UHRF2: variants seen among roughly 807,000 people sequenced by gnomAD.
UHRF2 encodes E3 ubiquitin-protein ligase UHRF2.
UHRF2 carries 23 observed loss-of-function variants against 96.8 expected under a neutral mutation model. That is an observed-to-expected ratio of 0.24 (90% confidence interval 0.17 to 0.34). The LOEUF is 0.34. Among genes scored for constraint, UHRF2 ranks in the 10% least tolerant of loss-of-function variants. The probability of loss-of-function intolerance (pLI) is 1.00; values close to 1 mark genes in which losing one functional copy is unlikely to be tolerated. For synonymous variants in UHRF2, 385 were observed against 332.6 expected (o/e 1.16, Z -1.72); for missense variants, 685 against 981.5 (o/e 0.70, Z 4.04).
chr9:6,504,441 GT>G, intron 14 of UHRF2, 151 bp from the exon 15 acceptor site: 1 of 533,816 alleles, frequency 1.9e-6, no homozygotes, highest in Non-Finnish European at 3.3e-6. Context: ...ATAAATCAGG[GT>G]AATTGGAATG....
At chr9:6,434,429 C>T in intron 3 of UHRF2, 2 of 295,580 alleles carry the variant, frequency 6.8e-6, no homozygotes, top group Non-Finnish European at 1.2e-5. Context: ...TTCTGTTTGT[C>T]TTTTTCTCTA....
At chr9:6,447,114 C>T (rs953306007) in intron 3 of UHRF2, among the ~76,000 whole-genome samples, 4 of 152,100 alleles carry the variant, frequency 2.6e-5, no homozygotes, top group Admixed American at 2.0e-4. Flanking sequence ...TGGTCTTGAT[C>T]TCCTGACCTC....
intron 4 of UHRF2, among the ~76,000 whole-genome samples, chr9:6,472,797 A>C (rs1280918178): frequency 6.6e-6 from 1 of 152,204 alleles, no homozygotes; most frequent in African/African-American, 2.4e-5. Context: ...ATGTGGGATA[A>C]AGCAAAGGAG....
rs1232352142 is a variant in UHRF2, at chr9:6,413,336, C to T, written c.-155C>T. 1 of 681,526 alleles carries T rather than the reference C, an allele frequency of 1.5e-6. No homozygotes were observed. Among genetic ancestry groups the T allele is most frequent in the Non-Finnish European group, 1.9e-6 (1 of 515,246 alleles). The allele number at this position is 681,526 out of a possible 1,614,324, so 42.2% of individuals were successfully genotyped here. A position where few individuals can be genotyped will look rare whatever the true frequency, so the allele number is the denominator to read the frequency against. On this transcript the variant is annotated 5_prime_UTR_variant, in exon 1 of 16. Transcript: ENST00000276893. ...GCGCGCGCGCTGAGAGTCGTCGCCG[C>T]CTGTCGGGCCCGGCGTCCGGTCGGT...
At position 6,422,670 on chromosome 9, in the gene UHRF2, C is replaced by A. The variant is rs757344846; in HGVS notation, c.384+1528C>A. 25 of 642,854 alleles carry A rather than the reference C, an allele frequency of 3.9e-5. No homozygotes were observed. In the East Asian group the frequency reaches 7.5e-4, roughly 19 times the overall value. 39.8% of individuals were successfully genotyped at this position (642,854 alleles called of 1,614,324 possible). ...TGTCACCCAGGCTGTAGTGCAGTGACGTGAACACGGCTCGCTGTAGCCTTG... is the reference window on the plus strand; with the variant it reads ...TGTCACCCAGGCTGTAGTGCAGTGAAGTGAACACGGCTCGCTGTAGCCTTG... On this transcript the variant is annotated intron_variant, in intron 2 of 15. Transcript: ENST00000276893.
At chr9:6,423,641 T>TC (rs1471929999) in intron 2 of UHRF2, among the ~76,000 whole-genome samples, 2 of 152,022 alleles carry the variant, frequency 1.3e-5, no homozygotes, top group East Asian at 3.9e-4. Flanking sequence ...GTGATTTTTT[T>TC]TTTTTTTTTA....
intron 2 of UHRF2, among the ~76,000 whole-genome samples, chr9:6,422,201 G>A (rs1819967932): frequency 6.6e-6 from 1 of 152,156 alleles, no homozygotes; most frequent in Non-Finnish European, 1.5e-5. Context: ...TCTTGCCTCT[G>A]CCTCCTAAGT....
chr9:6,486,672 C>G (rs1429595426), intron 8 of UHRF2, 149 bp from the exon 9 acceptor site: 2 of 660,870 alleles, frequency 3.0e-6, no homozygotes, highest in Non-Finnish European at 5.0e-6. Flanking sequence ...CTTTAGGTAC[C>G]AGGAGATTTA....
At chr9:6,427,552 T>G (rs1820327507) in intron 2 of UHRF2, among the ~76,000 whole-genome samples, 1 of 152,098 alleles carries the variant, frequency 6.6e-6, no homozygotes, top group South Asian at 2.1e-4. Flanking sequence ...CTGGCTGTGG[T>G]GGCGTACGAC....
At position 6,433,967 on chromosome 9, in the gene UHRF2, A is replaced by G; in HGVS notation, c.438A>G (p.Ala146=). 2 of 1,613,918 alleles carry G rather than the reference A, an allele frequency of 1.2e-6. No individual in the cohort carries two copies. The highest frequency in any genetic ancestry group is 1.7e-6 in the Non-Finnish European group (2 of 1,179,916). ...RDVGLGAWFE[A]HIHSVTRASD... is the part of the protein sequence containing the mutation. ...TCGGCCTTGGTGCTTGGTTTGAAGC[A>G]CACATACATAGTGTTACTAGAGCTT... The change falls in exon 3 of 16, where the codon GCA becomes GCG. Residue 146 remains alanine, a synonymous_variant. Transcript: ENST00000276893.
intron 3 of UHRF2, among the ~76,000 whole-genome samples, chr9:6,434,982 A>G (rs979070969): frequency 2.9e-5 from 4 of 137,268 alleles, no homozygotes; most frequent in African/African-American, 1.1e-4. Context: ...AGGCATATGT[A>G]TTACCATGTT....
In UHRF2 at chr9:6,419,302, A is replaced by G. The variant is rs76867248; in HGVS notation, c.154-1610A>G. On this transcript the variant is annotated intron_variant, in intron 1 of 15. Coordinates refer to ENST00000276893, the MANE Select transcript of UHRF2 (RefSeq NM_152896.3). The stretch of plus-strand genomic sequence containing the variant: ...TCAAGTACCATGGATTAGGATTTCA[A>G]CCCATAACCCTTACCAAAATATGGG... Among the ~76,000 whole-genome samples, 1,269 of 152,296 alleles carry G rather than the reference A, an allele frequency of 8.3e-3. 18 individuals are homozygous for G. The highest frequency in any genetic ancestry group is 0.029 in the African/African-American group (1,193 of 41,562).
At chr9:6,449,421 A>T (rs555741646) in intron 3 of UHRF2, 1 of 152,248 alleles carries the variant, frequency 6.6e-6, no homozygotes, top group Admixed American at 6.5e-5. Context: ...ATGATAGACC[A>T]GCATCATGGT....
chr9:6,504,719 C>G, intron 15 of UHRF2, 28 bp downstream of exon 15: 1 of 1,563,006 alleles, frequency 6.4e-7, no homozygotes, highest in East Asian at 2.2e-5. Flanking sequence ...CTCACTTTCC[C>G]TGTTAGGTAT....
chr9:6,413,220 C>T lies in UHRF2; in HGVS notation c.-271C>T, dbSNP rs879471513. The T allele has an allele frequency of 1.2e-5, 2 of 167,864 alleles. No individual in the cohort carries two copies. Among genetic ancestry groups the T allele is most frequent in the South Asian group, 2.0e-4 (1 of 4,976 alleles). The allele number at this position is 167,864 out of a possible 1,614,324, so 10.4% of individuals were successfully genotyped here. On this transcript the variant is annotated 5_prime_UTR_variant, in exon 1 of 16. Transcript: ENST00000276893. ...CTCTATAAGTAAACACTCTGCGCGG[C>T]GCAGACATGGCCTCTTCCTATCTTT... is the stretch of plus-strand genomic sequence containing the variant.
chr9:6,500,181 T>C (rs1455150600), intron 13 of UHRF2, among the ~76,000 whole-genome samples: 5 of 152,142 alleles, frequency 3.3e-5, no homozygotes, highest in Non-Finnish European at 7.4e-5. Context: ...TTGCCCAAGC[T>C]GGTCTTGAAC....
chr9:6,489,382 C>T (rs948245119), intron 9 of UHRF2, among the ~76,000 whole-genome samples: 85 of 152,156 alleles, frequency 5.6e-4, no homozygotes, highest in African/African-American at 2.0e-3. Flanking sequence ...TATTTGTGAA[C>T]AGGTTTTTTG....
In UHRF2 at chr9:6,421,135, T is replaced by C. The variant is rs373251740; in HGVS notation, c.377T>C (p.Ile126Thr). 57 of 1,608,618 alleles carry C rather than the reference T, an allele frequency of 3.5e-5. No homozygotes were observed. In the African/African-American group the frequency reaches 6.2e-4, roughly 17 times the overall value. Residue 126 changes from isoleucine (I) to threonine (T), a missense_variant, in exon 2 of 16, where the codon ATA becomes ACA. Ile to Thr is a moderately conservative substitution (Grantham distance 89). Around this residue, in one of 6 missense-constraint regions of UHRF2, gnomAD observed 391 missense variants for 437.0 expected, o/e 0.89. Coordinates refer to ENST00000276893, the MANE Select transcript of UHRF2 (RefSeq NM_152896.3). ...RARLIDPGFGIYKVNELVDAR... is the reference protein window; with the variant it reads ...RARLIDPGFGTYKVNELVDAR... ...CGTCTTATTGATCCTGGCTTTGGAA[T>C]ATATAAGGTATGTTGTTTTCTTCAG...
chr9:6,419,050 A>G (rs1188691480), intron 1 of UHRF2, among the ~76,000 whole-genome samples: 3 of 152,148 alleles, frequency 2.0e-5, no homozygotes, highest in Non-Finnish European at 4.4e-5. Flanking sequence ...TGAGGACACT[A>G]GCCATATTGG....
Sources: allele counts gnomAD v4.1 joint callset (sites outside exome capture counted in the v4.1 genomes callset), GRCh38; gene constraint gnomAD v4.1.1; regional missense constraint gnomAD v4.1.1; transcripts MANE v1.5; gene names NCBI Gene and HGNC (gene_info 2026-07-23, HGNC 2026-07-21).